Variants in CA10 observed in about 807,000 individuals in gnomAD.
CA10 encodes the protein carbonic anhydrase 10 (inactive).
In CA10, 14 loss-of-function variants were observed where a neutral mutation model predicts 44.2. The observed-to-expected ratio is 0.32, with a 90% CI of 0.21 to 0.50. The LOEUF (loss-of-function observed/expected upper bound fraction) is 0.50, where lower values mean the gene tolerates loss of function less well. Ranked by LOEUF, CA10 falls within the 20% of genes least tolerant of loss-of-function variation. CA10 has a pLI of 0.99. For missense variants in CA10, 350 were observed against 409.7 expected, an observed-to-expected ratio of 0.85 and a Z score of 1.26; for synonymous variants, 159 against 141.6, an observed-to-expected ratio of 1.12 and a Z score of -0.87.
intron 2 of CA10, among the ~76,000 whole-genome samples, chr17:51,966,970 C>G (rs772512894): frequency 2.0e-5 from 3 of 151,732 alleles, no homozygotes; most frequent in Non-Finnish European, 4.4e-5. Flanking sequence ...TGACGAAGGT[C>G]TAATATCTAG....
At chr17:52,047,077 T>C (rs1986932751) in intron 2 of CA10, among the ~76,000 whole-genome samples, 2 of 151,964 alleles carry the variant, frequency 1.3e-5, no homozygotes, top group Non-Finnish European at 2.9e-5. Context: ...CAACTCAAAC[T>C]GTTCATCAAT....
intron 1 of CA10, among the ~76,000 whole-genome samples, chr17:52,078,641 G>A (rs1398387544): frequency 6.6e-6 from 1 of 152,228 alleles, no homozygotes; most frequent in Non-Finnish European, 1.5e-5. Flanking sequence ...AGGTAAAAAA[G>A]TACTTCTAAC....
At chr17:51,891,560 G>C (rs553331650) in intron 3 of CA10, among the ~76,000 whole-genome samples, 2 of 152,314 alleles carry the variant, frequency 1.3e-5, no homozygotes, top group South Asian at 4.1e-4. Flanking sequence ...TGATGTACAG[G>C]GTTTACGTTT....
Position 52,158,422 on chromosome 17 carries a change from G to T in CA10, c.-636C>A. ...GACACAGCAGACACACAGAGAAAGAGAGGCAGGGATTATTGCCCGAAACCG... is the reference window on the plus strand; with the variant it reads ...GACACAGCAGACACACAGAGAAAGATAGGCAGGGATTATTGCCCGAAACCG... On this transcript the variant is annotated 5_prime_UTR_variant, in exon 1 of 9. Coordinates refer to ENST00000451037, the MANE Select transcript of CA10 (RefSeq NM_020178.5). The T allele has an allele frequency of 6.3e-6, 1 of 159,582 alleles. No homozygotes were observed. The highest frequency in any genetic ancestry group is 6.3e-5 in the Admixed American group (1 of 15,954). 9.9% of individuals were successfully genotyped at this position (159,582 alleles called of 1,614,324 possible). A position where few individuals can be genotyped will look rare whatever the true frequency, so the allele number is the denominator to read the frequency against.
intron 3 of CA10, chr17:51,748,449 G>A (rs1388092771): frequency 1.0e-6 from 1 of 982,950 alleles, no homozygotes; most frequent in Non-Finnish European, 1.2e-6. Flanking sequence ...ATTCCATCTT[G>A]CTCCAGCCCC....
At position 51,710,597 on chromosome 17, in the gene CA10, T is replaced by G. The variant is rs573166408; in HGVS notation, c.465+37036A>C. Among the ~76,000 whole-genome samples the G allele has an allele frequency of 6.6e-5, 10 of 152,182 alleles. No individual in the cohort carries two copies. The South Asian group carries it at 2.1e-3, about 32-fold the overall frequency. ...ACAGGAGGTGGGAGTTTGGGGGTAA[T>G]TTTTTGTTTTTCTGAGAAAAGAAGA... On this transcript the variant is annotated intron_variant, in intron 4 of 8. Coordinates refer to ENST00000451037, the MANE Select transcript of CA10 (RefSeq NM_020178.5).
chr17:51,754,402 T>TAGATAG (rs1293412045), intron 3 of CA10, among the ~76,000 whole-genome samples: 1 of 2,882 alleles, frequency 3.5e-4, no homozygotes, highest in Non-Finnish European at 7.1e-4. Flanking sequence ...GTGTGTGTGA[T>TAGATAG]ATATATATAT....
intron 4 of CA10, among the ~76,000 whole-genome samples, chr17:51,716,220 C>T (rs1285085696): frequency 6.6e-6 from 1 of 152,128 alleles, no homozygotes; most frequent in East Asian, 1.9e-4. Context: ...CCTTACTCAG[C>T]AGTTCTCCCT....
In CA10 at chr17:52,037,761, C is replaced by T. The variant is rs566054384; in HGVS notation, c.136+34558G>A. 2.6e-5 allele frequency among the ~76,000 whole-genome samples: 4 copies of T among 152,222 alleles called. No individual in the cohort carries two copies. The East Asian group carries it at 7.7e-4, about 29-fold the overall frequency. On this transcript the variant is annotated intron_variant, in intron 2 of 8. Transcript: ENST00000451037. The stretch of plus-strand genomic sequence containing the variant: ...AGAGTCTGTATTTTCCCAATACACA[C>T]CGTGACTTTTCTAGCCTCTGTGCCT...
chr17:52,158,016 A>C lies in CA10; in HGVS notation c.-230T>G. On this transcript the variant is annotated 5_prime_UTR_variant, in exon 1 of 9. Coordinates refer to ENST00000451037, the MANE Select transcript of CA10 (RefSeq NM_020178.5). ...ACGGATGTGCGCCCCAGATGTGCTG[A>C]CACATGTCCGATGCCTCGCTGCCTT... 1.7e-6 allele frequency: 1 copy of C among 584,632 alleles called. No homozygotes were observed. Among genetic ancestry groups the C allele is most frequent in the Non-Finnish European group, 3.1e-6 (1 of 325,658 alleles). 36.2% of individuals were successfully genotyped at this position (584,632 alleles called of 1,614,324 possible).
At chr17:51,884,600 C>G (rs771637426) in intron 3 of CA10, among the ~76,000 whole-genome samples, 1 of 152,142 alleles carries the variant, frequency 6.6e-6, no homozygotes, top group African/African-American at 2.4e-5. Flanking sequence ...TCTGTATTTC[C>G]GAACCTTTTC....
At chr17:51,818,429 C>A (rs1313886660) in intron 3 of CA10, among the ~76,000 whole-genome samples, 1 of 152,164 alleles carries the variant, frequency 6.6e-6, no homozygotes, top group East Asian at 1.9e-4. Flanking sequence ...CCTAAATGCC[C>A]TTCCAACGCT....
At chr17:51,750,284 C>T (rs774404412) in intron 3 of CA10, among the ~76,000 whole-genome samples, 2 of 151,974 alleles carry the variant, frequency 1.3e-5, no homozygotes, top group African/African-American at 2.4e-5. Context: ...TACTTATAGA[C>T]CCATAATTTA....
intron 6 of CA10, among the ~76,000 whole-genome samples, chr17:51,646,654 T>C (rs761563362): frequency 5.3e-5 from 8 of 152,196 alleles, no homozygotes; most frequent in Non-Finnish European, 1.0e-4. Flanking sequence ...TCCAGTCTTA[T>C]GTTTCCCACC....
intron 3 of CA10, among the ~76,000 whole-genome samples, chr17:51,780,825 AAGCAAGTGTC>A (rs753206694): frequency 3.3e-5 from 5 of 152,208 alleles, no homozygotes; most frequent in Non-Finnish European, 5.9e-5. Context: ...TCGAATTCTA[AAGCAAGTGTC>A]AGCAAACATT....
chr17:51,754,956 C>T (rs1427573139), intron 3 of CA10, among the ~76,000 whole-genome samples: 2 of 151,714 alleles, frequency 1.3e-5, no homozygotes, highest in Non-Finnish European at 2.9e-5. Context: ...TTATCTATAT[C>T]TGTATATATT....
chr17:51,746,714 C>A (rs1470754237), intron 4 of CA10, among the ~76,000 whole-genome samples: 1 of 152,172 alleles, frequency 6.6e-6, no homozygotes, highest in Non-Finnish European at 1.5e-5. Context: ...CTTAGTGACA[C>A]ATTTTGGATG....
intron 3 of CA10, among the ~76,000 whole-genome samples, chr17:51,802,243 G>T (rs1348911668): frequency 6.6e-6 from 1 of 152,090 alleles, no homozygotes; most frequent in African/African-American, 2.4e-5. Flanking sequence ...ATCCTAGCAG[G>T]GAATGATTTG....
At chr17:51,989,945 G>A (rs1212415269) in intron 2 of CA10, among the ~76,000 whole-genome samples, 2 of 152,064 alleles carry the variant, frequency 1.3e-5, no homozygotes, top group Non-Finnish European at 2.9e-5. Flanking sequence ...TTTTACAGAA[G>A]AGAAAACAGA....
Sources: allele counts gnomAD v4.1 joint callset (sites outside exome capture counted in the v4.1 genomes callset), GRCh38; gene constraint gnomAD v4.1.1; transcripts MANE v1.5; gene names NCBI Gene and HGNC (gene_info 2026-07-23, HGNC 2026-07-21).